Variants in MTCL2 observed in about 807,000 individuals in gnomAD.
MTCL2 encodes the protein microtubule crosslinking factor 2, also known as microtubule cross-linking factor 2.
the MTCL2 span, among the ~76,000 whole-genome samples, chr20:36,853,368 A>G: frequency 6.6e-6 from 1 of 152,202 alleles, no homozygotes; most frequent in South Asian, 2.1e-4. Context: ...GCCCAGGGTC[A>G]CACACTAAGT....
chr20:36,813,752 C>CA, the MTCL2 span, among the ~76,000 whole-genome samples: 55,901 of 66,014 alleles, frequency 0.85, 24,027 homozygotes, highest in Middle Eastern at 0.95. Context: ...GACTCTGTCT[C>CA]AAAAAAAAAA....
At chr20:36,801,254 A>C in the MTCL2 span, among the ~76,000 whole-genome samples, 2 of 152,168 alleles carry the variant, frequency 1.3e-5, no homozygotes. Context: ...TCTAGATTTA[A>C]TCACTGTAGA....
chr20:36,819,358 C>T, the MTCL2 span, among the ~76,000 whole-genome samples: 41 of 152,242 alleles, frequency 2.7e-4, no homozygotes, highest in Non-Finnish European at 5.1e-4. Context: ...GCTCCATCCC[C>T]CACCTCTCAC....
chr20:36,810,717 C>CCTCCCTCTCTCTCTCTCTCT, the MTCL2 span, among the ~76,000 whole-genome samples: 1 of 94,194 alleles, frequency 1.1e-5, no homozygotes. Flanking sequence ...TCTCTCTCTC[C>CCTCCCTCTCTCTCTCTCTCT]CTCTCTCTCT....
At chr20:36,794,215 C>G in the MTCL2 span, 3 of 1,547,342 alleles carry the variant, frequency 1.9e-6, no homozygotes, top group Non-Finnish European at 1.7e-6. This position sits in a 1 kb window ranked among gnomAD's most constrained non-coding sequence, Gnocchi z 5.4. Context: ...CCTCGGCCGA[C>G]TCTTTGGGCT....
the MTCL2 span, chr20:36,812,754 G>T: frequency 1.2e-6 from 2 of 1,613,972 alleles, no homozygotes; most frequent in Admixed American, 3.3e-5. Flanking sequence ...CTGAAGCTCC[G>T]GCTGGGGTCG....
chr20:36,856,969 T>TGCTG, the MTCL2 span, among the ~76,000 whole-genome samples: 3 of 152,224 alleles, frequency 2.0e-5, no homozygotes, highest in Non-Finnish European at 4.4e-5. Flanking sequence ...GCTGTGTCCC[T>TGCTG]GCTGATGTGC....
the MTCL2 span, among the ~76,000 whole-genome samples, chr20:36,844,800 C>T: frequency 1.3e-5 from 2 of 152,054 alleles, no homozygotes; most frequent in Admixed American, 1.3e-4. Flanking sequence ...GCGGGCGGAC[C>T]ATTTGAGGTC....
the MTCL2 span, among the ~76,000 whole-genome samples, chr20:36,806,526 TA>T: frequency 6.6e-6 from 1 of 151,874 alleles, no homozygotes; most frequent in Admixed American, 6.5e-5. Context: ...TGTGTCTCTT[TA>T]TTTTTTTTTT....
At chr20:36,777,772 G>A in the MTCL2 span, 2 of 603,120 alleles carry the variant, frequency 3.3e-6, no homozygotes, top group East Asian at 3.4e-5. Flanking sequence ...TGGGAAGGGG[G>A]TTCACAGTAT....
chr20:36,839,813 G>C, the MTCL2 span, among the ~76,000 whole-genome samples: 2 of 152,152 alleles, frequency 1.3e-5, no homozygotes, highest in Non-Finnish European at 2.9e-5. The surrounding 1 kb of genome is among the most constrained non-coding windows in gnomAD (Gnocchi z 5.1). Context: ...CCCAAACCTT[G>C]ATTTCTAGAC....
the MTCL2 span, chr20:36,815,190 G>A: frequency 6.2e-7 from 1 of 1,613,718 alleles, no homozygotes; most frequent in African/African-American, 1.3e-5. The surrounding 1 kb of genome is among the most constrained non-coding windows in gnomAD (Gnocchi z 5.3). Flanking sequence ...GGAGCCCAAG[G>A]GGGGCAGTGA....
At chr20:36,826,396 G>A in the MTCL2 span, among the ~76,000 whole-genome samples, 3 of 105,788 alleles carry the variant, frequency 2.8e-5, no homozygotes, top group South Asian at 7.5e-4. Flanking sequence ...TCTCCCTCTC[G>A]ATGCAGGGTC....
the MTCL2 span, among the ~76,000 whole-genome samples, chr20:36,861,337 C>T: frequency 0.15 from 22,450 of 152,124 alleles, 2,003 homozygotes; most frequent in Middle Eastern, 0.26. Flanking sequence ...AAGACATCCT[C>T]CCATTTAACG....
chr20:36,862,895 G>A, the MTCL2 span: 2 of 1,250,710 alleles, frequency 1.6e-6, no homozygotes, highest in Non-Finnish European at 2.0e-6. Context: ...CCCCCGCCGG[G>A]CCCCCGGCCG....
chr20:36,855,911 T>C, the MTCL2 span, among the ~76,000 whole-genome samples: 1 of 152,056 alleles, frequency 6.6e-6, no homozygotes, highest in East Asian at 1.9e-4. Context: ...CCACACAGCC[T>C]GGCTCTCCTC....
At chr20:36,797,697 G>C in the MTCL2 span, 1 of 849,088 alleles carries the variant, frequency 1.2e-6, no homozygotes, top group Non-Finnish European at 1.8e-6. Flanking sequence ...TGGACAAGGG[G>C]CCACCTTCTC....
chr20:36,811,266 T>C, the MTCL2 span, among the ~76,000 whole-genome samples: 1 of 152,028 alleles, frequency 6.6e-6, no homozygotes, highest in Non-Finnish European at 1.5e-5. Context: ...CAATAAAGAG[T>C]GGCTGAATGA....
chr20:36,847,698 T>A, the MTCL2 span, among the ~76,000 whole-genome samples: 1 of 151,504 alleles, frequency 6.6e-6, no homozygotes, highest in African/African-American at 2.4e-5. Context: ...TACAAAAAAA[T>A]TAAAAATTAG....
Sources: allele counts gnomAD v4.1 joint callset (sites outside exome capture counted in the v4.1 genomes callset), GRCh38; gene constraint gnomAD v4.1.1; non-coding constraint Gnocchi (gnomAD v3.1); transcripts MANE v1.5; gene names NCBI Gene and HGNC (gene_info 2026-07-23, HGNC 2026-07-21).